Variants in ABCA1 observed in about 807,000 individuals in gnomAD.
The protein encoded by ABCA1 is phospholipid-transporting ATPase ABCA1.
In ABCA1, 133 loss-of-function variants were observed where a neutral mutation model predicts 262.5. The observed-to-expected ratio is 0.51, with a 90% CI of 0.44 to 0.59. The LOEUF is 0.59. Ranked by LOEUF, ABCA1 falls within the 20% of genes least tolerant of loss-of-function variation. The pLI is 0.00. For missense variants in ABCA1, 2,452 were observed against 2,777.5 expected (o/e 0.88, Z 2.63); for synonymous variants, 1,022 against 1,043.5 (o/e 0.98, Z 0.40).
intron 40 of ABCA1, 110 bp from the exon 41 acceptor site, chr9:104,793,410 C>T (rs938061526): frequency 7.0e-7 from 1 of 1,426,316 alleles, no homozygotes; most frequent in Non-Finnish European, 9.7e-7. Context: ...CCAATAAACA[C>T]AAATGGCTAT....
intron 19 of ABCA1, among the ~76,000 whole-genome samples, chr9:104,821,834 T>C (rs761554119): frequency 3.9e-5 from 6 of 152,198 alleles, no homozygotes; most frequent in Non-Finnish European, 7.4e-5. Flanking sequence ...AACATATTAT[T>C]CAAAGATAAA....
intron 49 of ABCA1, among the ~76,000 whole-genome samples, chr9:104,784,971 AC>A (rs1330746679): frequency 6.6e-6 from 1 of 151,592 alleles, no homozygotes; most frequent in Non-Finnish European, 1.5e-5. Context: ...ATCGCCCCCC[AC>A]CCCTACATCA....
intron 30 of ABCA1, among the ~76,000 whole-genome samples, chr9:104,809,128 T>C (rs745929301): frequency 5.9e-5 from 9 of 152,192 alleles, no homozygotes; most frequent in East Asian, 1.9e-4. Context: ...TGAGAGCCTA[T>C]TGAAGCACTT....
intron 7 of ABCA1, among the ~76,000 whole-genome samples, chr9:104,850,805 C>T (rs1390117967): frequency 6.6e-6 from 1 of 152,184 alleles, no homozygotes; most frequent in African/African-American, 2.4e-5. Flanking sequence ...ATTTTTCTAA[C>T]CAAAAACATT....
At chr9:104,852,163 A>G (rs1318755893) in intron 7 of ABCA1, among the ~76,000 whole-genome samples, 1 of 152,232 alleles carries the variant, frequency 6.6e-6, no homozygotes, top group East Asian at 1.9e-4. Context: ...CTTCACTTTG[A>G]CCATATGCAA....
chr9:104,809,343 T>C (rs2118924353), intron 30 of ABCA1, 123 bp downstream of exon 30: 1 of 966,340 alleles, frequency 1.0e-6, no homozygotes. Context: ...TAAAACATAA[T>C]AATAATTCAA....
intron 5 of ABCA1, 144 bp downstream of exon 5, chr9:104,882,894 AG>A: frequency 1.3e-6 from 1 of 797,590 alleles, no homozygotes; most frequent in Non-Finnish European, 2.2e-6. Flanking sequence ...CCTCCTGGAG[AG>A]GGGCCCCACA....
chr9:104,785,752 C>T, intron 48 of ABCA1, 113 bp from the exon 49 acceptor site: 3 of 1,291,888 alleles, frequency 2.3e-6, no homozygotes, highest in Admixed American at 3.9e-5. Context: ...CTGGCAGGCC[C>T]AGAAATAAGT....
chr9:104,862,641 G>GCCCC (rs1564197815), intron 5 of ABCA1, among the ~76,000 whole-genome samples: 1 of 2,018 alleles, frequency 5.0e-4, no homozygotes, highest in African/African-American at 2.2e-3. Context: ...TGCCGGGCCG[G>GCCCC]GCCGGGCCGG....
At chr9:104,789,103 G>A in intron 44 of ABCA1, among the ~76,000 whole-genome samples, 1 of 152,190 alleles carries the variant, frequency 6.6e-6, no homozygotes, top group East Asian at 1.9e-4. Context: ...ACTGATGACT[G>A]CACCTCAGCC....
At chr9:104,819,541 G>T in intron 22 of ABCA1, 45 bp downstream of exon 22, 1 of 1,612,734 alleles carries the variant, frequency 6.2e-7, no homozygotes, top group Non-Finnish European at 8.5e-7. Context: ...AAAGCCCCCC[G>T]CTCTCTCTCA....
intron 9 of ABCA1, among the ~76,000 whole-genome samples, chr9:104,838,564 CCGAGATG>C (rs1834047948): frequency 6.6e-6 from 1 of 151,410 alleles, no homozygotes; most frequent in South Asian, 2.1e-4. Context: ...TTGCAGTGAG[CCGAGATG>C]GCGCCACTGC....
intron 7 of ABCA1, among the ~76,000 whole-genome samples, chr9:104,850,183 G>A (rs186871978): frequency 3.9e-5 from 6 of 152,306 alleles, no homozygotes; most frequent in Admixed American, 3.3e-4. Flanking sequence ...GTGCAGTGGT[G>A]TGATCTCAGC....
At chr9:104,869,799 C>A (rs1267159420) in intron 5 of ABCA1, among the ~76,000 whole-genome samples, 3 of 152,136 alleles carry the variant, frequency 2.0e-5, no homozygotes, top group African/African-American at 7.2e-5. Flanking sequence ...GATACCAAGA[C>A]ATACCTGAAA....
intron 9 of ABCA1, among the ~76,000 whole-genome samples, chr9:104,838,875 T>C (rs530689912): frequency 6.6e-6 from 1 of 152,140 alleles, no homozygotes; most frequent in East Asian, 1.9e-4. Flanking sequence ...AAGGCTTCCT[T>C]GGGTCAACTT....
At chr9:104,908,149 T>G (rs1010541706) in intron 1 of ABCA1, among the ~76,000 whole-genome samples, 2 of 152,040 alleles carry the variant, frequency 1.3e-5, no homozygotes, top group Non-Finnish European at 1.5e-5. Flanking sequence ...ATATTAAAAG[T>G]GCTAGCATGT....
rs10820735 is a variant in ABCA1 at position 104,819,822 on chromosome 9, C to T, written c.3104-99G>A. Reference sequence around the variant, plus strand: ...ACAGCCAGGGACAAGTTTCTGTTACCAACCGCACCCAGCCTGGGACCCTGG... The same window carrying T: ...ACAGCCAGGGACAAGTTTCTGTTACTAACCGCACCCAGCCTGGGACCCTGG... On this transcript the variant is annotated intron_variant, in intron 21 of 49. Transcript: ENST00000374736. 3,526 of 1,610,072 alleles carry T rather than the reference C, an allele frequency of 2.2e-3. 8 individuals carry two copies. Among genetic ancestry groups the T allele is most frequent in the Non-Finnish European group, 2.7e-3 (3,233 of 1,179,550 alleles).
rs780741302 is a variant in ABCA1, at chr9:104,889,173, G to A, written c.89C>T (p.Ala30Val). The A allele has an allele frequency of 5.0e-6, 8 of 1,613,994 alleles. No homozygotes were observed. Among genetic ancestry groups the A allele is most frequent in the Non-Finnish European group, 5.9e-6 (7 of 1,180,004 alleles). The change falls in exon 3 of 50, where the codon GCC (alanine) becomes GTC (valine). Residue 30 changes from alanine to valine, a missense_variant. Coordinates refer to ENST00000374736, the MANE Select transcript of ABCA1 (RefSeq NM_005502.4). ...GATCAGGAAGATAAATAGAGGCCAG[G>A]CCACTTCCAGCAGCAGCTGACACTG... The part of the protein sequence containing the change: ...RQTCQLLLEV[A>V]WPLFIFLILI...
chr9:104,913,676 C>T (rs956643254), intron 1 of ABCA1, among the ~76,000 whole-genome samples: 2 of 152,196 alleles, frequency 1.3e-5, no homozygotes, highest in African/African-American at 2.4e-5. Context: ...TACTATAAAA[C>T]CCCCTCTTGG....
Sources: allele counts gnomAD v4.1 joint callset (sites outside exome capture counted in the v4.1 genomes callset), GRCh38; gene constraint gnomAD v4.1.1; transcripts MANE v1.5; gene names NCBI Gene and HGNC (gene_info 2026-07-23, HGNC 2026-07-21).